ASTN2: variants seen among roughly 807,000 people sequenced by gnomAD.
ASTN2 encodes astrotactin-2.
ASTN2 carries 54 observed loss-of-function variants against 139.8 expected under a neutral mutation model. The observed-to-expected ratio is 0.39, with a 90% CI of 0.31 to 0.48. The LOEUF (loss-of-function observed/expected upper bound fraction) is 0.48. Among genes scored for constraint, ASTN2 ranks in the 20% least tolerant of loss-of-function variants. The probability of loss-of-function intolerance (pLI) is 0.95; values close to 1 mark genes in which losing one functional copy is unlikely to be tolerated. For missense variants in ASTN2, 1,565 were observed against 1,725.1 expected (o/e 0.91, Z 1.64); for synonymous variants, 756 against 719.5 (o/e 1.05, Z -0.81).
intron 22 of ASTN2, among the ~76,000 whole-genome samples, chr9:116,439,282 G>T (rs962072145): frequency 8.3e-6 from 1 of 121,072 alleles, no homozygotes; most frequent in African/African-American, 3.6e-5. Context: ...CTCACTGCAA[G>T]CTCCGCCTCC....
intron 20 of ASTN2, among the ~76,000 whole-genome samples, chr9:116,484,945 T>C (rs992655018): frequency 1.3e-5 from 2 of 152,160 alleles, no homozygotes; most frequent in African/African-American, 2.4e-5. Context: ...GGCTGCAGGA[T>C]TCCAGTCCAG....
chr9:116,565,767 G>A (rs530300641), intron 19 of ASTN2, among the ~76,000 whole-genome samples: 87 of 152,154 alleles, frequency 5.7e-4, no homozygotes, highest in African/African-American at 2.1e-3. Context: ...ACAGGCATGA[G>A]CCACCACACT....
intron 4 of ASTN2, among the ~76,000 whole-genome samples, chr9:117,100,448 T>C (rs1828949225): frequency 6.6e-6 from 1 of 152,260 alleles, no homozygotes; most frequent in African/African-American, 2.4e-5. Context: ...CAGAATATGT[T>C]GCATTTCACT....
intron 3 of ASTN2, among the ~76,000 whole-genome samples, chr9:117,209,663 C>A (rs948018856): frequency 3.9e-5 from 6 of 152,008 alleles, no homozygotes; most frequent in Non-Finnish European, 7.4e-5. Flanking sequence ...AGAAAGTCAA[C>A]AAAGAAAGAT....
intron 4 of ASTN2, among the ~76,000 whole-genome samples, chr9:117,131,370 G>A (rs545914448): frequency 1.2e-4 from 18 of 152,244 alleles, no homozygotes; most frequent in South Asian, 4.1e-4. Context: ...ATAAGACACC[G>A]AATTCCAACC....
intron 7 of ASTN2, among the ~76,000 whole-genome samples, chr9:116,983,990 C>T (rs1928997): frequency 0.022 from 3,318 of 152,214 alleles, 131 homozygotes; most frequent in African/African-American, 0.076. Context: ...TGATATGCAG[C>T]GTTATTTTGG....
chr9:116,960,764 C>T (rs548941442), intron 10 of ASTN2, among the ~76,000 whole-genome samples: 51 of 152,106 alleles, frequency 3.4e-4, no homozygotes, highest in Non-Finnish European at 5.7e-4. Context: ...TCCTCCTGAC[C>T]TATACTATTC....
intron 16 of ASTN2, among the ~76,000 whole-genome samples, chr9:116,716,244 C>T (rs531725152): frequency 2.7e-4 from 41 of 152,232 alleles, no homozygotes; most frequent in African/African-American, 7.2e-4. Flanking sequence ...CCTAGGAAGA[C>T]GGAGAGTGGG....
At chr9:117,215,839 T>A (rs1369588668) in intron 2 of ASTN2, among the ~76,000 whole-genome samples, 1 of 152,286 alleles carries the variant, frequency 6.6e-6, no homozygotes, top group South Asian at 2.1e-4. Context: ...CTTTGCTGAA[T>A]GCCTGCTGTG....
intron 17 of ASTN2, among the ~76,000 whole-genome samples, chr9:116,642,475 C>T (rs2131897484): frequency 6.6e-6 from 1 of 152,058 alleles, no homozygotes; most frequent in East Asian, 1.9e-4. Flanking sequence ...CAATAGGAGC[C>T]CCTTAGTCAA....
At chr9:116,952,523 TAAG>T (rs1835591127) in intron 10 of ASTN2, among the ~76,000 whole-genome samples, 1 of 152,182 alleles carries the variant, frequency 6.6e-6, no homozygotes, top group Non-Finnish European at 1.5e-5. Context: ...TCTCTCCCTT[TAAG>T]AAGAGGTGAG....
rs140592648 is a variant in ASTN2, at chr9:116,875,111, G to T, written c.1890-11378C>A. Among the ~76,000 whole-genome samples, 669 of 152,224 alleles carry T rather than the reference G, an allele frequency of 4.4e-3. 3 individuals are homozygous for T. Among genetic ancestry groups the T allele is most frequent in the Admixed American group, 6.9e-3 (106 of 15,268 alleles). On this transcript the variant is annotated intron_variant, in intron 10 of 22. Transcript: ENST00000313400. The stretch of plus-strand genomic sequence containing the variant: ...ATCTCTCACTTTAAATCATAAGCTA[G>T]AAATGATTAAGTTTAGTGAGGAAGG...
intron 5 of ASTN2, among the ~76,000 whole-genome samples, chr9:117,057,504 A>C (rs895713696): frequency 6.6e-6 from 1 of 152,226 alleles, no homozygotes; most frequent in Non-Finnish European, 1.5e-5. Context: ...TTATTTGTAA[A>C]ATGCCCACAC....
intron 4 of ASTN2, among the ~76,000 whole-genome samples, chr9:117,121,187 C>T (rs1829549181): frequency 6.6e-6 from 1 of 152,178 alleles, no homozygotes; most frequent in Non-Finnish European, 1.5e-5. Flanking sequence ...ATCTGAAGAA[C>T]ATGGACCATC....
intron 15 of ASTN2, among the ~76,000 whole-genome samples, chr9:116,726,315 T>C (rs1828622240): frequency 6.6e-6 from 1 of 152,200 alleles, no homozygotes; most frequent in Admixed American, 6.5e-5. Flanking sequence ...ACCCTCTTTA[T>C]GTAACTTAAC....
intron 19 of ASTN2, among the ~76,000 whole-genome samples, chr9:116,576,151 G>A (rs2131700721): frequency 6.6e-6 from 1 of 152,282 alleles, no homozygotes; most frequent in Admixed American, 6.5e-5. Context: ...CAGGAGGCCG[G>A]TGTGGAGCAG....
intron 13 of ASTN2, among the ~76,000 whole-genome samples, chr9:116,788,837 AT>A (rs1358819212): frequency 6.6e-6 from 1 of 152,216 alleles, no homozygotes; most frequent in Non-Finnish European, 1.5e-5. Context: ...AATACAAAAA[AT>A]AAAAAAGTAT....
intron 5 of ASTN2, among the ~76,000 whole-genome samples, chr9:117,043,428 C>T (rs925896955): frequency 6.6e-6 from 1 of 152,120 alleles, no homozygotes; most frequent in Non-Finnish European, 1.5e-5. Flanking sequence ...TGGCCAAGAT[C>T]TTTCTTTCAC....
intron 13 of ASTN2, among the ~76,000 whole-genome samples, chr9:116,755,533 G>C (rs962440084): frequency 5.3e-5 from 8 of 152,206 alleles, no homozygotes; most frequent in Non-Finnish European, 1.0e-4. Context: ...TGAGGCCTCG[G>C]AAGAAACCAG....
Sources: allele counts gnomAD v4.1 joint callset (sites outside exome capture counted in the v4.1 genomes callset), GRCh38; gene constraint gnomAD v4.1.1; transcripts MANE v1.5; gene names NCBI Gene and HGNC (gene_info 2026-07-23, HGNC 2026-07-21).